Variants in CADPS2 observed in about 807,000 individuals in gnomAD.
The protein encoded by CADPS2 is calcium dependent secretion activator 2.
In CADPS2, 93 loss-of-function variants were observed where a neutral mutation model predicts 172.5. That is an observed-to-expected ratio of 0.54 (90% CI 0.46 to 0.64). The LOEUF is 0.64. Among genes scored for constraint, CADPS2 ranks in the 30% least tolerant of loss-of-function variants. The pLI is 0.00. For missense variants in CADPS2, 1,420 were observed against 1,565.9 expected (o/e 0.91, Z 1.57); for synonymous variants, 546 against 555.2 (o/e 0.98, Z 0.23).
At chr7:122,728,988 T>A (rs563528449) in intron 2 of CADPS2, among the ~76,000 whole-genome samples, 1 of 151,774 alleles carries the variant, frequency 6.6e-6, no homozygotes, top group African/African-American at 2.4e-5. Flanking sequence ...TATGTTTGTA[T>A]CCATTACCCA....
At chr7:122,578,545 G>C in intron 7 of CADPS2, among the ~76,000 whole-genome samples, 1 of 152,034 alleles carries the variant, frequency 6.6e-6, no homozygotes, top group East Asian at 1.9e-4. Flanking sequence ...TGCACCCCTG[G>C]GGTTTCTGAC....
intron 8 of CADPS2, among the ~76,000 whole-genome samples, chr7:122,542,596 T>A (rs1427395919): frequency 6.6e-6 from 1 of 152,162 alleles, no homozygotes. Flanking sequence ...GGAGGATAAC[T>A]TTATCTATAT....
chr7:122,742,366 G>C (rs1232896055), intron 1 of CADPS2, among the ~76,000 whole-genome samples: 1 of 151,936 alleles, frequency 6.6e-6, no homozygotes, highest in Non-Finnish European at 1.5e-5. Context: ...CTCCACTCCA[G>C]CCTGGGTGAC....
chr7:122,799,043 G>C (rs1241547259), intron 1 of CADPS2, among the ~76,000 whole-genome samples: 1 of 151,858 alleles, frequency 6.6e-6, no homozygotes, highest in African/African-American at 2.4e-5. Context: ...TAAAAATGCT[G>C]TCACATTTTC....
intron 1 of CADPS2, among the ~76,000 whole-genome samples, chr7:122,738,224 T>A (rs2092284882): frequency 6.6e-6 from 1 of 152,062 alleles, no homozygotes; most frequent in South Asian, 2.1e-4. Context: ...TAGGGCCCAG[T>A]GCAAAATAAA....
At chr7:122,529,519 A>G (rs1198047712) in intron 8 of CADPS2, among the ~76,000 whole-genome samples, 1 of 152,096 alleles carries the variant, frequency 6.6e-6, no homozygotes, top group Non-Finnish European at 1.5e-5. Flanking sequence ...ATTAATAGAA[A>G]AGAATAAAAG....
intron 1 of CADPS2, among the ~76,000 whole-genome samples, chr7:122,809,023 C>T (rs1391442892): frequency 2.0e-5 from 3 of 152,170 alleles, no homozygotes; most frequent in African/African-American, 7.2e-5. Context: ...TCCTGGAGTA[C>T]TTGGCAAGGC....
intron 14 of CADPS2, 77 bp from the exon 15 acceptor site, chr7:122,451,552 A>C (rs1478091559): frequency 7.4e-6 from 6 of 814,740 alleles, no homozygotes; most frequent in Admixed American, 3.4e-5. Flanking sequence ...ATGTATATTT[A>C]AAAATCCAAG....
chr7:122,757,567 T>C (rs1165854804), intron 1 of CADPS2, among the ~76,000 whole-genome samples: 1 of 152,082 alleles, frequency 6.6e-6, no homozygotes, highest in East Asian at 1.9e-4. Flanking sequence ...TGCTTTGTGG[T>C]GATTTATGTC....
intron 20 of CADPS2, among the ~76,000 whole-genome samples, chr7:122,395,744 T>C (rs1289573214): frequency 6.6e-6 from 1 of 152,180 alleles, no homozygotes; most frequent in Non-Finnish European, 1.5e-5. Context: ...AAGCACTATG[T>C]GAAGTCCTAT....
intron 27 of CADPS2, among the ~76,000 whole-genome samples, chr7:122,359,397 T>A (rs2039843593): frequency 6.6e-6 from 1 of 151,934 alleles, no homozygotes; most frequent in South Asian, 2.1e-4. Context: ...TAGAGAGGGG[T>A]TACTTGCACT....
In CADPS2 at chr7:122,756,504, A is replaced by C. The variant is rs553763162; in HGVS notation, c.340-19436T>G. On this transcript the variant is annotated intron_variant, in intron 1 of 29. Coordinates refer to ENST00000449022, the MANE Select transcript of CADPS2 (RefSeq NM_017954.11). ...TTATATTTTTAAAAAAGGAAGACAT[A>C]GATGTTACAGAATAATGTACCCTTG... is the stretch of plus-strand genomic sequence containing the variant. 9.8e-5 allele frequency among the ~76,000 whole-genome samples: 15 copies of C among 152,342 alleles called. No homozygotes were observed. The South Asian group carries it at 3.1e-3, about 32-fold the overall frequency.
At chr7:122,807,285 A>G (rs1475844510) in intron 1 of CADPS2, among the ~76,000 whole-genome samples, 1 of 152,184 alleles carries the variant, frequency 6.6e-6, no homozygotes, top group Non-Finnish European at 1.5e-5. Flanking sequence ...CACATCACTT[A>G]GCCAGTGATC....
chr7:122,855,692 C>T (rs1192689951), intron 1 of CADPS2, among the ~76,000 whole-genome samples: 2 of 152,144 alleles, frequency 1.3e-5, no homozygotes, highest in South Asian at 2.1e-4. Context: ...TTTAGACATA[C>T]GACTGAATAT....
At chr7:122,679,319 G>T (rs1158264224) in intron 2 of CADPS2, among the ~76,000 whole-genome samples, 2 of 133,938 alleles carry the variant, frequency 1.5e-5, no homozygotes, top group African/African-American at 5.5e-5. Context: ...TCATGCACAT[G>T]TAGATAGGAA....
chr7:122,865,489 C>T (rs1818065414), intron 1 of CADPS2, among the ~76,000 whole-genome samples: 1 of 152,212 alleles, frequency 6.6e-6, no homozygotes, highest in Admixed American at 6.5e-5. Context: ...TAAGCCAATT[C>T]TTGCTCCTAT....
intron 3 of CADPS2, among the ~76,000 whole-genome samples, chr7:122,634,038 G>C (rs1352753635): frequency 1.3e-5 from 2 of 152,124 alleles, no homozygotes; most frequent in East Asian, 3.8e-4. Context: ...AATACTGCTT[G>C]ATTGCTGTGA....
At chr7:122,723,856 T>G (rs1031661991) in intron 2 of CADPS2, among the ~76,000 whole-genome samples, 31 of 152,050 alleles carry the variant, frequency 2.0e-4, no homozygotes, top group African/African-American at 7.5e-4. Context: ...CCATAAAAAA[T>G]GATGAGTTCA....
At chr7:122,325,832 A>G (rs902217390) in intron 28 of CADPS2, among the ~76,000 whole-genome samples, 2 of 152,094 alleles carry the variant, frequency 1.3e-5, no homozygotes, top group South Asian at 4.1e-4. Flanking sequence ...TAACATATTC[A>G]CGGAAACAGT....
Sources: gnomAD v4.1 joint callset for allele counts (sites outside exome capture counted in the v4.1 genomes callset) on GRCh38, gnomAD v4.1.1 for gene constraint, MANE v1.5 for transcripts, NCBI Gene and HGNC (gene_info 2026-07-23, HGNC 2026-07-21) for gene names.